The following TRPM8 variants were observed in gnomAD, a reference collection of about 807,000 sequenced individuals.
TRPM8 encodes the protein TRPM8 cationic channel.
In TRPM8, 110 loss-of-function variants were observed where a neutral mutation model predicts 133.7. That is an observed-to-expected ratio of 0.82 (90% CI 0.70 to 0.96). The LOEUF (loss-of-function observed/expected upper bound fraction) is 0.96. TRPM8 is among the 40% of genes least tolerant of loss of function. The probability of loss-of-function intolerance (pLI) is 0.00; values close to 1 mark genes in which losing one functional copy is unlikely to be tolerated. For synonymous variants in TRPM8, 535 were observed against 532.3 expected, an observed-to-expected ratio of 1.01 and a Z score of -0.07; for missense variants, 1,291 against 1,379.5, an observed-to-expected ratio of 0.94 and a Z score of 1.02.
intron 11 of TRPM8, among the ~76,000 whole-genome samples, chr2:233,957,514 A>T (rs1691322392): frequency 6.6e-6 from 1 of 152,132 alleles, no homozygotes; most frequent in East Asian, 1.9e-4. Context: ...ACACAAAAAA[A>T]ACCCAAAAAA....
intron 25 of TRPM8, 52 bp from the exon 26 acceptor site, chr2:234,017,247 A>G (rs1291454151): frequency 8.6e-6 from 4 of 466,508 alleles, no homozygotes; most frequent in African/African-American, 6.0e-5. Flanking sequence ...CTGCCTGAGA[A>G]TGGAAGTGGG....
chr2:233,967,254 G>A (rs1238728966), intron 15 of TRPM8, among the ~76,000 whole-genome samples: 3 of 152,240 alleles, frequency 2.0e-5, no homozygotes, highest in Non-Finnish European at 2.9e-5. Context: ...AAACTATTGT[G>A]AAATGGGTAA....
At position 233,939,154 on chromosome 2, in the gene TRPM8, A is replaced by C. The variant is rs1559521048; in HGVS notation, c.505A>C (p.Ile169Leu). ...PRMRKIFSRLIYIAQSKGAWI... is the reference protein window; with the variant it reads ...PRMRKIFSRLLYIAQSKGAWI... ...CATGCGCAAGATCTTCAGCCGGCTC[A>C]TCTACATCGCGCAGTCCAAAGGTGA... The change falls in exon 5 of 26, where the codon ATC (isoleucine) becomes CTC (leucine). Residue 169 changes from isoleucine (I) to leucine (L), a missense_variant. Coordinates refer to ENST00000324695, the MANE Select transcript of TRPM8 (RefSeq NM_024080.5). 2 of 1,614,098 alleles carry C rather than the reference A, an allele frequency of 1.2e-6. No homozygotes were observed. The highest frequency in any genetic ancestry group is 1.7e-6 in the Non-Finnish European group (2 of 1,180,034).
chr2:233,977,425 G>C (rs187309030), intron 17 of TRPM8, among the ~76,000 whole-genome samples: 31 of 152,232 alleles, frequency 2.0e-4, no homozygotes, highest in African/African-American at 7.2e-4. Context: ...CCTCAGGATT[G>C]ACCTATTTCC....
intron 2 of TRPM8, among the ~76,000 whole-genome samples, chr2:233,927,851 C>T (rs181927393): frequency 0.063 from 2,353 of 37,108 alleles, 506 homozygotes; most frequent in East Asian, 0.33. Context: ...TTCCTTCCTT[C>T]CTTTCTTTCT....
intron 17 of TRPM8, among the ~76,000 whole-genome samples, chr2:233,975,740 G>C (rs1360489160): frequency 2.0e-5 from 3 of 152,162 alleles, no homozygotes; most frequent in Non-Finnish European, 4.4e-5. Flanking sequence ...AAATTAGCCG[G>C]GCATGGTGGC....
At chr2:234,002,377 C>T (rs887156113) in intron 22 of TRPM8, among the ~76,000 whole-genome samples, 2 of 152,056 alleles carry the variant, frequency 1.3e-5, no homozygotes, top group Non-Finnish European at 2.9e-5. Context: ...CTCAGCCCAC[C>T]AAGTCACAGT....
rs201490543 is a variant in TRPM8, at chr2:233,926,673, C to T, written c.117+19C>T. The T allele has an allele frequency of 6.3e-6, 10 of 1,580,622 alleles. No individual in the cohort carries two copies. On this transcript the variant is annotated intron_variant, in intron 2 of 25. Coordinates refer to ENST00000324695, the MANE Select transcript of TRPM8 (RefSeq NM_024080.5). ...TGAAAGCGTAAGTCATGCGCATCAC[C>T]TGTTTGAAAGGTTATCATTGTAACC...
At chr2:234,011,914 CAAAAAA>C (rs869030520) in intron 24 of TRPM8, among the ~76,000 whole-genome samples, 1 of 81,274 alleles carries the variant, frequency 1.2e-5, no homozygotes. Context: ...GAGACTGTCT[CAAAAAA>C]AAAAAAAAAA....
At chr2:233,987,043 T>G (rs762472691) in intron 21 of TRPM8, among the ~76,000 whole-genome samples, 1 of 152,194 alleles carries the variant, frequency 6.6e-6, no homozygotes. Flanking sequence ...ACTTCAAAAA[T>G]AGTTATTAAA....
intron 17 of TRPM8, among the ~76,000 whole-genome samples, chr2:233,974,595 G>A (rs1475189641): frequency 6.6e-6 from 1 of 152,104 alleles, no homozygotes; most frequent in Admixed American, 6.5e-5. Context: ...CTGGTTCCTG[G>A]CAGGCCTTTT....
intron 22 of TRPM8, among the ~76,000 whole-genome samples, chr2:234,001,395 G>A (rs954179088): frequency 1.3e-5 from 2 of 152,032 alleles, no homozygotes; most frequent in African/African-American, 4.8e-5. Context: ...TATTCCGGAC[G>A]GCCCCCAGAA....
intron 22 of TRPM8, among the ~76,000 whole-genome samples, chr2:234,005,995 A>G (rs1230658627): frequency 1.3e-5 from 2 of 151,770 alleles, no homozygotes; most frequent in Non-Finnish European, 2.9e-5. Flanking sequence ...AGCCATGTGC[A>G]TATTGGTTCT....
At chr2:233,984,230 A>G (rs1461502286) in intron 20 of TRPM8, among the ~76,000 whole-genome samples, 1 of 152,206 alleles carries the variant, frequency 6.6e-6, no homozygotes, top group Non-Finnish European at 1.5e-5. Context: ...GTAAAGCACC[A>G]TCTTCTCTAC....
At chr2:233,991,355 C>T (rs368450998) in intron 21 of TRPM8, among the ~76,000 whole-genome samples, 12 of 152,142 alleles carry the variant, frequency 7.9e-5, no homozygotes, top group Admixed American at 7.2e-4. Flanking sequence ...TTACTGCTGG[C>T]TGTTGTTGGC....
intron 1 of TRPM8, among the ~76,000 whole-genome samples, chr2:233,921,353 T>C (rs994040004): frequency 3.9e-5 from 6 of 152,148 alleles, no homozygotes; most frequent in African/African-American, 1.2e-4. Flanking sequence ...AATGTAGGAG[T>C]TCTTTTCACC....
chr2:233,964,802 T>C (rs1468289654), intron 14 of TRPM8, 45 bp downstream of exon 14: 1 of 1,554,982 alleles, frequency 6.4e-7, no homozygotes. Context: ...GGATCTGCCA[T>C]GTGGCACAGA....
At chr2:234,000,716 TC>T (rs1356079882) in intron 22 of TRPM8, among the ~76,000 whole-genome samples, 1 of 151,196 alleles carries the variant, frequency 6.6e-6, no homozygotes, top group Non-Finnish European at 1.5e-5. Flanking sequence ...TCTCGCTCTG[TC>T]CCCCAGGCTG....
chr2:233,962,113 A>G (rs180908232), intron 12 of TRPM8, among the ~76,000 whole-genome samples: 113 of 152,292 alleles, frequency 7.4e-4, no homozygotes, highest in African/African-American at 2.7e-3. Context: ...TTTGTGAGTA[A>G]AAGGGGAAGT....
Sources: gnomAD v4.1 joint callset for allele counts (sites outside exome capture counted in the v4.1 genomes callset) on GRCh38, gnomAD v4.1.1 for gene constraint, MANE v1.5 for transcripts, NCBI Gene and HGNC (gene_info 2026-07-23, HGNC 2026-07-21) for gene names.